TRIB3: variants seen among roughly 807,000 people sequenced by gnomAD.
TRIB3 encodes the protein tribbles homolog 3.
A neutral mutation model predicts 16.6 loss-of-function variants in TRIB3; 20 were observed. The observed-to-expected ratio is 1.20, with a 90% CI of 0.85 to 1.75. The LOEUF (loss-of-function observed/expected upper bound fraction) is 1.75. TRIB3 is among the 40% of genes most tolerant of loss of function. The pLI is 0.00. For synonymous variants in TRIB3, 208 were observed against 217.0 expected (o/e 0.96, Z 0.36); for missense variants, 484 against 488.9 (o/e 0.99, Z 0.10).
chr20:385,072 C>A (rs958243117), intron 1 of TRIB3, among the ~76,000 whole-genome samples: 15 of 152,144 alleles, frequency 9.9e-5, no homozygotes, highest in Admixed American at 9.8e-4. Context: ...GCTCGTAGAG[C>A]CCTTCACAAT....
chr20:391,305 GC>G lies in TRIB3; in HGVS notation c.313del (p.Leu105TrpfsTer105). 6.2e-7 allele frequency: 1 copy of G among 1,612,556 alleles called. No individual in the cohort carries two copies. The highest frequency in any genetic ancestry group is 8.5e-7 in the Non-Finnish European group (1 of 1,179,980). ...CCCACAGGTGTACCCCGTCCAGGAA[GC>G]CCTGGCCGTGCTGGAGCCCTATGCG... ...YTCKVYPVQEALAVLEPYARL... is the reference protein window; with the variant it reads ...YTCKVYPVQEXLAVLEPYARL... On this transcript the variant is annotated frameshift_variant, in exon 3 of 4. Transcript: ENST00000217233. LOFTEE classifies it high-confidence loss of function.
Position 388,116 on chromosome 20 carries a change from C to A in TRIB3, c.106C>A (p.Arg36=), listed in dbSNP as rs150841542. 5.0e-6 allele frequency: 8 copies of A among 1,614,004 alleles called. No individual in the cohort carries two copies. Among genetic ancestry groups the A allele is most frequent in the Non-Finnish European group, 4.2e-6 (5 of 1,180,044 alleles). Residue 36 remains arginine, a synonymous_variant, in exon 2 of 4, where the codon CGA becomes AGA. Coordinates refer to ENST00000217233, the MANE Select transcript of TRIB3 (RefSeq NM_021158.5). ...CGAGCGTCCCGTCCAGAAACGAGCT[C>A]GAAGTGGGCCCCAGCCCAGACTGCC... ...DTERPVQKRA[R]SGPQPRLPPC... is the part of the protein sequence containing the mutation.
intron 3 of TRIB3, among the ~76,000 whole-genome samples, chr20:393,355 A>G (rs1423104555): frequency 6.6e-6 from 1 of 151,106 alleles, no homozygotes; most frequent in East Asian, 2.0e-4. Context: ...TTTTTGAGAC[A>G]GGGTCTCACT....
intron 1 of TRIB3, among the ~76,000 whole-genome samples, chr20:381,802 G>C (rs1361200835): frequency 2.0e-5 from 3 of 152,200 alleles, no homozygotes; most frequent in African/African-American, 7.2e-5. Context: ...TGGCCCGGCA[G>C]GGCCGCTGGT....
rs759562235 is a variant in TRIB3, at chr20:388,089, A to G, written c.79A>G (p.Thr27Ala). 6.2e-7 allele frequency: 1 copy of G among 1,614,078 alleles called. No individual in the cohort carries two copies. The highest frequency in any genetic ancestry group is 1.1e-5 in the South Asian group (1 of 91,082). ...GTTGGAGTTGGATGACAACTTAGAT[A>G]CCGAGCGTCCCGTCCAGAAACGAGC... ...KRLELDDNLD[T>A]ERPVQKRARS... The change falls in exon 2 of 4, where the codon ACC (threonine) becomes GCC (alanine). Residue 27 changes from threonine to alanine, a missense_variant. Thr to Ala is a moderately conservative substitution (Grantham distance 58). Coordinates refer to ENST00000217233, the MANE Select transcript of TRIB3 (RefSeq NM_021158.5).
chr20:384,355 C>T (rs779804465), intron 1 of TRIB3, among the ~76,000 whole-genome samples: 11 of 148,308 alleles, frequency 7.4e-5, no homozygotes, highest in Non-Finnish European at 1.2e-4. Context: ...ATGAAATAGA[C>T]GTTTTTTTCT....
Position 391,180 on chromosome 20 carries a change from G to A in TRIB3, c.292-107G>A, listed in dbSNP as rs367979799. Reference sequence around the variant, plus strand: ...ACTCGGTCAGTGAAGCGCTTGGTGCGATGCCTAGCACATGGTAGTGTCTAA... The same window carrying A: ...ACTCGGTCAGTGAAGCGCTTGGTGCAATGCCTAGCACATGGTAGTGTCTAA... On this transcript the variant is annotated intron_variant, in intron 2 of 3. Transcript: ENST00000217233. 87 of 1,263,616 alleles carry A rather than the reference G, an allele frequency of 6.9e-5. No individual in the cohort carries two copies. In the African/African-American group the frequency reaches 1.1e-3, roughly 16 times the overall value. 78.3% of individuals were successfully genotyped at this position (1,263,616 alleles called of 1,614,324 possible).
chr20:383,341 CTG>C (rs1350532349), intron 1 of TRIB3, among the ~76,000 whole-genome samples: 1 of 152,226 alleles, frequency 6.6e-6, no homozygotes, highest in Non-Finnish European at 1.5e-5. Flanking sequence ...GCAGGAATAA[CTG>C]TGTATTTGCA....
In TRIB3 at chr20:388,078, A is replaced by T. The variant is rs1483093267; in HGVS notation, c.68A>T (p.Asp23Val). The change falls in exon 2 of 4, where the codon GAC becomes GTC. Residue 23 changes from aspartate (D) to valine (V), a missense_variant. Physicochemically the swap from Asp to Val is radical, Grantham distance 152 (BLOSUM62 -3). Transcript: ENST00000217233. ...AGGAAGAAGCGGTTGGAGTTGGATGACAACTTAGATACCGAGCGTCCCGTC... is the reference window on the plus strand; with the variant it reads ...AGGAAGAAGCGGTTGGAGTTGGATGTCAACTTAGATACCGAGCGTCCCGTC... ...LSRKKRLELD[D>V]NLDTERPVQK... The T allele has an allele frequency of 3.7e-6, 6 of 1,614,102 alleles. No individual in the cohort carries two copies. In the African/African-American group the frequency reaches 6.7e-5, roughly 18 times the overall value.
intron 1 of TRIB3, among the ~76,000 whole-genome samples, chr20:382,886 C>T (rs1031836943): frequency 5.3e-5 from 8 of 152,366 alleles, no homozygotes; most frequent in African/African-American, 1.9e-4. Context: ...CCTTCCAAGG[C>T]AGCTCTTCCA....
intron 2 of TRIB3, among the ~76,000 whole-genome samples, chr20:388,861 C>T (rs1021240482): frequency 2.6e-5 from 4 of 152,030 alleles, no homozygotes; most frequent in South Asian, 2.1e-4. Flanking sequence ...CGGAGGTGAT[C>T]GAGCCTAACC....
chr20:381,833 G>A (rs2014661570), intron 1 of TRIB3, among the ~76,000 whole-genome samples: 1 of 152,202 alleles, frequency 6.6e-6, no homozygotes, highest in African/African-American at 2.4e-5. Context: ...GCGCGGCTCC[G>A]GGTTTGCAGG....
intron 1 of TRIB3, 94 bp downstream of exon 1, chr20:381,263 T>TGCGTGTTGCC (rs2014635565): frequency 6.6e-6 from 1 of 152,200 alleles, no homozygotes; most frequent in Admixed American, 6.5e-5. Flanking sequence ...TCTGGGCGTC[T>TGCGTGTTGCC]GCGTGTTGCC....
At chr20:396,023 C>T (rs982410469) in intron 3 of TRIB3, among the ~76,000 whole-genome samples, 175 bp from the exon 4 acceptor site, 10 of 152,206 alleles carry the variant, frequency 6.6e-5, no homozygotes, top group Non-Finnish European at 1.2e-4. Flanking sequence ...GACTTAACCT[C>T]TCTGAGCCTG....
chr20:389,411 A>G (rs6107252), intron 2 of TRIB3, among the ~76,000 whole-genome samples: 10,258 of 152,162 alleles, frequency 0.067, 408 homozygotes, highest in Middle Eastern at 0.14. Flanking sequence ...AACCCAAGGG[A>G]GAGTAGCGGG....
intron 3 of TRIB3, 22 bp downstream of exon 3, chr20:391,601 C>A (rs1426125647): frequency 6.3e-7 from 1 of 1,595,424 alleles, no homozygotes. Context: ...CTCAGAGACC[C>A]CAGCCACAGA....
In TRIB3 at chr20:396,353, T is replaced by C. The variant is rs1448806285; in HGVS notation, c.740T>C (p.Leu247Pro). The change falls in exon 4 of 4, where the codon CTG (leucine) becomes CCG (proline). Residue 247 changes from leucine (L) to proline (P), a missense_variant. Coordinates refer to ENST00000217233, the MANE Select transcript of TRIB3 (RefSeq NM_021158.5). ...YSGKAADVWS[L>P]GVALFTMLAG... Reference sequence around the variant, plus strand: ...GGCAAGGCAGCCGATGTCTGGAGCCTGGGCGTGGCGCTCTTCACCATGCTG... The same window carrying C: ...GGCAAGGCAGCCGATGTCTGGAGCCCGGGCGTGGCGCTCTTCACCATGCTG... 4 of 1,613,740 alleles carry C rather than the reference T, an allele frequency of 2.5e-6. No homozygotes were observed. The East Asian group carries it at 8.9e-5, about 36-fold the overall frequency.
chr20:385,071 G>A (rs547721890), intron 1 of TRIB3, among the ~76,000 whole-genome samples: 8 of 152,242 alleles, frequency 5.3e-5, no homozygotes, highest in African/African-American at 1.9e-4. Flanking sequence ...TGCTCGTAGA[G>A]CCCTTCACAA....
At chr20:391,865 T>C (rs530743977) in intron 3 of TRIB3, among the ~76,000 whole-genome samples, 1 of 152,110 alleles carries the variant, frequency 6.6e-6, no homozygotes, top group African/African-American at 2.4e-5. Flanking sequence ...CTACTAAAAA[T>C]ACAAAAATTA....
Sources: allele counts gnomAD v4.1 joint callset (sites outside exome capture counted in the v4.1 genomes callset), GRCh38; gene constraint gnomAD v4.1.1; transcripts MANE v1.5; gene names NCBI Gene and HGNC (gene_info 2026-07-23, HGNC 2026-07-21).